Variants in BRDT observed in about 807,000 individuals in gnomAD.
BRDT encodes the protein bromodomain testis associated, also known as bromodomain testis-specific protein.
BRDT carries 77 observed loss-of-function variants against 113.9 expected under a neutral mutation model. The ratio of observed to expected loss-of-function variants is 0.68; its 90% CI spans 0.56 to 0.82. The LOEUF (loss-of-function observed/expected upper bound fraction) is 0.82. BRDT is among the 40% of genes least tolerant of loss of function. BRDT has a pLI of 0.00. For missense variants in BRDT, 1,027 were observed against 1,105.4 expected, an observed-to-expected ratio of 0.93 and a Z score of 1.01; for synonymous variants, 358 against 366.5, an observed-to-expected ratio of 0.98 and a Z score of 0.26.
Position 92,014,315 on chromosome 1 carries a change from T to G in BRDT, c.*41T>G, listed in dbSNP as rs779678632. On this transcript the variant is annotated 3_prime_UTR_variant, in exon 19 of 19. Transcript: ENST00000399546. ...TTAACCATCAACTTAAAATGAATGG[T>G]AAAAGATCAAAATGCATATGGTAAA... 1 of 1,369,784 alleles carries G rather than the reference T, an allele frequency of 7.3e-7. No homozygotes were observed. Among genetic ancestry groups the G allele is most frequent in the African/African-American group, 1.5e-5 (1 of 67,938 alleles). The allele number at this position is 1,369,784 out of a possible 1,614,324, so 84.9% of individuals were successfully genotyped here.
chr1:92,004,458 ACC>A lies in BRDT; in HGVS notation c.2434_2435del (p.Pro812SerfsTer12). 1 of 1,610,520 alleles carries A rather than the reference ACC, an allele frequency of 6.2e-7. No individual in the cohort carries two copies. Among genetic ancestry groups the A allele is most frequent in the Non-Finnish European group, 8.5e-7 (1 of 1,179,172 alleles). On this transcript the variant is annotated frameshift_variant, in exon 17 of 19. Coordinates refer to ENST00000399546, the MANE Select transcript of BRDT (RefSeq NM_207189.4). LOFTEE classifies it high-confidence loss of function. ...CAGATTCATGGAAAAGTTTAGGCAA[ACC>A]AGTGAAACCATCAGGTGTAATGAAA... ...NADSWKSLGKPVKPSGVMKSS... is the reference protein window; with the variant it reads ...NADSWKSLGKXVKPSGVMKSS...
chr1:91,949,524 T>G lies in BRDT; in HGVS notation c.-196T>G, dbSNP rs1297429409. ...TAATATACAGGTAACATACAGGTAA[T>G]GTACCCTCCACAGGGGGTGCTGCCT... On this transcript the variant is annotated 5_prime_UTR_variant, in exon 1 of 19. The change abolishes an upstream ATG in the 5' untranslated region. Transcript: ENST00000399546. 1 of 152,246 alleles carries G rather than the reference T, an allele frequency of 6.6e-6. No individual in the cohort carries two copies. Among genetic ancestry groups the G allele is most frequent in the African/African-American group, 2.4e-5 (1 of 41,456 alleles). The allele number at this position is 152,246 out of a possible 1,614,324, so 9.4% of individuals were successfully genotyped here.
At chr1:91,967,094 G>GA (rs539104257) in intron 3 of BRDT, among the ~76,000 whole-genome samples, 32 of 152,116 alleles carry the variant, frequency 2.1e-4, no homozygotes, top group Non-Finnish European at 4.3e-4. Flanking sequence ...AGTTGGCTTA[G>GA]AAAAAAATAT....
intron 15 of BRDT, 32 bp from the exon 16 acceptor site, chr1:92,002,017 A>G: frequency 6.9e-7 from 1 of 1,454,202 alleles, no homozygotes; most frequent in Non-Finnish European, 9.6e-7. Context: ...GAAATATTTT[A>G]ATTATACTAT....
intron 18 of BRDT, among the ~76,000 whole-genome samples, chr1:92,007,654 G>A (rs1177692788): frequency 6.6e-6 from 1 of 152,058 alleles, no homozygotes; most frequent in African/African-American, 2.4e-5. Context: ...CTATTTTAGT[G>A]GTTGCTTACG....
At chr1:91,966,799 G>A (rs370122613) in intron 3 of BRDT, among the ~76,000 whole-genome samples, 24 of 152,276 alleles carry the variant, frequency 1.6e-4, no homozygotes, top group East Asian at 1.5e-3. Context: ...GCCTGGGTGC[G>A]GTGGCTCATG....
intron 1 of BRDT, among the ~76,000 whole-genome samples, chr1:91,958,971 C>T (rs1682103136): frequency 1.3e-5 from 2 of 152,076 alleles, no homozygotes; most frequent in Admixed American, 1.3e-4. Flanking sequence ...GTCGTTTGAG[C>T]CCAGGAGTTT....
At chr1:92,002,278 C>A in intron 16 of BRDT, 129 bp downstream of exon 16, 2 of 666,878 alleles carry the variant, frequency 3.0e-6, no homozygotes, top group Non-Finnish European at 5.0e-6. Context: ...TTTTTGCCTA[C>A]GTAATTTTTT....
At chr1:91,966,913 A>G (rs1042413662) in intron 3 of BRDT, among the ~76,000 whole-genome samples, 4 of 152,086 alleles carry the variant, frequency 2.6e-5, no homozygotes, top group Non-Finnish European at 4.4e-5. Context: ...TACTAAAACT[A>G]CAGAAAGTAG....
In BRDT at chr1:92,013,084, G is replaced by A. The variant is rs118000562; in HGVS notation, c.2776-1122G>A. ...AATGCAAAAATTACCTGGGCATGGC[G>A]GTGCACATCTGTAATCCCAGCTCCT... is the stretch of plus-strand genomic sequence containing the variant. On this transcript the variant is annotated intron_variant, in intron 18 of 18. Transcript: ENST00000399546. Among the ~76,000 whole-genome samples the A allele has an allele frequency of 1.9e-3, 282 of 151,568 alleles. 9 individuals carry two copies. The East Asian group carries it at 0.05, about 27-fold the overall frequency.
At chr1:91,959,161 AG>A (rs1368469644) in intron 1 of BRDT, among the ~76,000 whole-genome samples, 6 of 152,200 alleles carry the variant, frequency 3.9e-5, no homozygotes, top group Admixed American at 3.3e-4. Flanking sequence ...TGGGCGATGG[AG>A]TGAGATGCCA....
At chr1:91,968,531 AGCTGTTACT>A (rs1683299998) in intron 4 of BRDT, among the ~76,000 whole-genome samples, 1 of 152,200 alleles carries the variant, frequency 6.6e-6, no homozygotes, top group Non-Finnish European at 1.5e-5. Context: ...AGAAAATCAT[AGCTGTTACT>A]GCTGTTTTCA....
At chr1:92,004,648 T>C (rs1470517523) in intron 17 of BRDT, 29 bp downstream of exon 17, 22 of 1,540,776 alleles carry the variant, frequency 1.4e-5, no homozygotes, top group Non-Finnish European at 1.6e-5. Flanking sequence ...TAAAGGAGGG[T>C]TTGGGAGATA....
intron 12 of BRDT, among the ~76,000 whole-genome samples, 174 bp from the exon 13 acceptor site, chr1:91,991,010 G>A (rs1285728806): frequency 6.6e-6 from 1 of 152,146 alleles, no homozygotes; most frequent in East Asian, 1.9e-4. Flanking sequence ...TGTTAGCCAG[G>A]ATGGTCTCCA....
In BRDT at chr1:91,953,028, T is replaced by C. The variant is rs371133598; in HGVS notation, c.-38+3346T>C. 4.1e-4 allele frequency among the ~76,000 whole-genome samples: 63 copies of C among 152,320 alleles called. 2 individuals are homozygous for C. The South Asian group carries it at 0.013, about 31-fold the overall frequency. ...CAGGTTTGTTACATATGTATACATG[T>C]GCCGTGTTGGTGTGCTGCACCCATT... On this transcript the variant is annotated intron_variant, in intron 1 of 18. Transcript: ENST00000399546.
chr1:91,995,775 T>G lies in BRDT; in HGVS notation c.2287+1521T>G, dbSNP rs571156642. Among the ~76,000 whole-genome samples the G allele has an allele frequency of 1.2e-4, 18 of 152,256 alleles. 1 individual carries two copies. The South Asian group carries it at 3.7e-3, about 32-fold the overall frequency. The stretch of plus-strand genomic sequence containing the variant: ...TCTCAGCCTCCTGAGTAGCTGTGAT[T>G]ACAGGCATGTACCACCACGCCCAGC... On this transcript the variant is annotated intron_variant, in intron 15 of 18. Coordinates refer to ENST00000399546, the MANE Select transcript of BRDT (RefSeq NM_207189.4).
chr1:92,012,740 A>G (rs2149398), intron 18 of BRDT, among the ~76,000 whole-genome samples: 148,680 of 152,012 alleles, frequency 0.98, 72,775 homozygotes, highest in East Asian at 1. Context: ...GTGAAACCCC[A>G]TCTCTACTAA....
rs1687119161 is a variant in BRDT at position 92,004,479 on chromosome 1, A to G, written c.2454A>G (p.Val818=). The change falls in exon 17 of 19, where the codon GTA becomes GTG. Residue 818 remains valine (V), a synonymous_variant. Transcript: ENST00000399546. The stretch of plus-strand genomic sequence containing the variant: ...GCAAACCAGTGAAACCATCAGGTGT[A>G]ATGAAATCCTCAGATGAGCTCTTCA... ...SLGKPVKPSG[V]MKSSDELFNQ... is the part of the protein sequence containing the mutation. The G allele has an allele frequency of 6.2e-7, 1 of 1,612,860 alleles. No individual in the cohort carries two copies. The highest frequency in any genetic ancestry group is 2.2e-5 in the East Asian group (1 of 44,792).
chr1:92,009,833 A>T (rs1297139588), intron 18 of BRDT, among the ~76,000 whole-genome samples: 4 of 152,018 alleles, frequency 2.6e-5, no homozygotes, highest in Non-Finnish European at 5.9e-5. Flanking sequence ...TGCCTCCCAG[A>T]GTGCTAGAAT....
Sources: gnomAD v4.1 joint callset for allele counts (sites outside exome capture counted in the v4.1 genomes callset) on GRCh38, gnomAD v4.1.1 for gene constraint, MANE v1.5 for transcripts, NCBI Gene and HGNC (gene_info 2026-07-23, HGNC 2026-07-21) for gene names.